GALNTL6: variants seen among roughly 807,000 people sequenced by gnomAD.
The protein encoded by GALNTL6 is polypeptide N-acetylgalactosaminyltransferase like 6.
A neutral mutation model predicts 73.7 loss-of-function variants in GALNTL6; 46 were observed. The observed-to-expected ratio is 0.62, with a 90% CI of 0.49 to 0.80. The LOEUF is 0.80. Among genes scored for constraint, GALNTL6 ranks in the 30% least tolerant of loss-of-function variants. GALNTL6 has a pLI of 0.00. For missense variants in GALNTL6, 604 were observed against 755.0 expected (o/e 0.80, Z 2.34); for synonymous variants, 259 against 263.7 (o/e 0.98, Z 0.17).
At chr4:172,517,892 T>C (rs1734658297) in intron 5 of GALNTL6, among the ~76,000 whole-genome samples, 1 of 152,118 alleles carries the variant, frequency 6.6e-6, no homozygotes, top group African/African-American at 2.4e-5. Flanking sequence ...AACCTAATTT[T>C]GATATTCATT....
At chr4:173,037,365 A>G (rs556938062) in intron 12 of GALNTL6, among the ~76,000 whole-genome samples, 1 of 152,218 alleles carries the variant, frequency 6.6e-6, no homozygotes, top group Admixed American at 6.5e-5. Context: ...CTTCTCAGAC[A>G]TAGACAGATG....
chr4:171,904,762 C>A (rs1737219510), intron 2 of GALNTL6, among the ~76,000 whole-genome samples: 1 of 152,176 alleles, frequency 6.6e-6, no homozygotes, highest in Non-Finnish European at 1.5e-5. Context: ...GGGTTACCCT[C>A]AAAGGGAAGC....
At chr4:172,250,465 C>T (rs1226935561) in intron 3 of GALNTL6, among the ~76,000 whole-genome samples, 1 of 152,034 alleles carries the variant, frequency 6.6e-6, no homozygotes, top group African/African-American at 2.4e-5. Context: ...TTGGTTGGGG[C>T]CAGGAGCATA....
At chr4:172,360,907 A>G (rs1009631090) in intron 5 of GALNTL6, among the ~76,000 whole-genome samples, 1 of 152,224 alleles carries the variant, frequency 6.6e-6, no homozygotes. Flanking sequence ...TTTGAAGGCC[A>G]GAAGCAATTG....
At chr4:172,208,296 T>A (rs1736210834) in intron 2 of GALNTL6, among the ~76,000 whole-genome samples, 1 of 152,248 alleles carries the variant, frequency 6.6e-6, no homozygotes, top group Non-Finnish European at 1.5e-5. Flanking sequence ...CAATTATTAC[T>A]GTAAATATGA....
chr4:172,836,239 T>A (rs1275324822), intron 7 of GALNTL6, among the ~76,000 whole-genome samples: 1 of 152,202 alleles, frequency 6.6e-6, no homozygotes, highest in Non-Finnish European at 1.5e-5. Context: ...GAGAAACACC[T>A]GAAATGTATG....
At chr4:172,264,451 T>C (rs976783375) in intron 3 of GALNTL6, among the ~76,000 whole-genome samples, 2 of 140,864 alleles carry the variant, frequency 1.4e-5, no homozygotes, top group African/African-American at 5.3e-5. Flanking sequence ...TTAAATAAGG[T>C]TGGCATAATA....
intron 12 of GALNTL6, among the ~76,000 whole-genome samples, chr4:173,036,596 A>AAAACC (rs1753705770): frequency 1.3e-5 from 2 of 152,220 alleles, no homozygotes; most frequent in Admixed American, 1.3e-4. Context: ...AAAACAAAAC[A>AAAACC]AAACCAAAAC....
intron 5 of GALNTL6, among the ~76,000 whole-genome samples, chr4:172,474,174 TA>T (rs1202137734): frequency 1.3e-5 from 2 of 152,122 alleles, no homozygotes; most frequent in African/African-American, 4.8e-5. Flanking sequence ...TTTTCTCAGA[TA>T]TTTGCTTGGC....
intron 5 of GALNTL6, among the ~76,000 whole-genome samples, chr4:172,470,857 C>T (rs1222078656): frequency 6.6e-6 from 1 of 152,136 alleles, no homozygotes; most frequent in African/African-American, 2.4e-5. Context: ...CACACACATA[C>T]ACAACACACA....
intron 2 of GALNTL6, among the ~76,000 whole-genome samples, chr4:171,982,956 A>C (rs974517166): frequency 1.3e-5 from 2 of 152,164 alleles, no homozygotes; most frequent in Non-Finnish European, 2.9e-5. Context: ...ACTGAAGCTT[A>C]TCAGAGCCTT....
intron 5 of GALNTL6, among the ~76,000 whole-genome samples, chr4:172,720,310 G>A (rs966519756): frequency 2.0e-5 from 3 of 152,126 alleles, no homozygotes; most frequent in African/African-American, 7.2e-5. Flanking sequence ...AGGGGAAACA[G>A]GGATCCTCCG....
At chr4:172,032,602 A>G (rs781280312) in intron 2 of GALNTL6, among the ~76,000 whole-genome samples, 2 of 152,044 alleles carry the variant, frequency 1.3e-5, no homozygotes, top group Non-Finnish European at 2.9e-5. Context: ...TAACTCATTC[A>G]TATTGTTAAA....
At chr4:172,615,983 G>A (rs113347015) in intron 5 of GALNTL6, among the ~76,000 whole-genome samples, 11 of 152,244 alleles carry the variant, frequency 7.2e-5, no homozygotes, top group African/African-American at 2.2e-4. Context: ...TTGTGATAAT[G>A]CGAAAAGAGT....
chr4:172,177,838 T>TATGTGTGTGTATATATACACACACATAC, intron 2 of GALNTL6, among the ~76,000 whole-genome samples: 1 of 74,258 alleles, frequency 1.3e-5, no homozygotes, highest in Non-Finnish European at 3.2e-5. Context: ...CACACACATA[T>TATGTGTGTGTATATATACACACACATAC]ATATGTGTAT....
intron 5 of GALNTL6, among the ~76,000 whole-genome samples, chr4:172,452,916 G>A (rs1732261947): frequency 6.6e-6 from 1 of 152,162 alleles, no homozygotes; most frequent in African/African-American, 2.4e-5. Context: ...ATGCTAAGAT[G>A]TGAGGGCCAG....
At chr4:172,820,218 C>T (rs117837945) in intron 7 of GALNTL6, among the ~76,000 whole-genome samples, 1 of 152,284 alleles carries the variant, frequency 6.6e-6, no homozygotes, top group East Asian at 1.9e-4. Flanking sequence ...AGAAGCTTCA[C>T]TTTATTAACA....
intron 2 of GALNTL6, among the ~76,000 whole-genome samples, chr4:172,088,482 AAGAGTT>A (rs1331039062): frequency 6.6e-6 from 1 of 152,218 alleles, no homozygotes; most frequent in East Asian, 1.9e-4. Flanking sequence ...ATAGGGGAAG[AAGAGTT>A]AGGAGAAATG....
intron 2 of GALNTL6, among the ~76,000 whole-genome samples, chr4:171,991,040 A>G (rs1740316488): frequency 6.6e-6 from 1 of 152,114 alleles, no homozygotes; most frequent in African/African-American, 2.4e-5. Flanking sequence ...TCTCATCTAC[A>G]CTCATGGAAC....
Sources: allele counts gnomAD v4.1 joint callset (sites outside exome capture counted in the v4.1 genomes callset), GRCh38; gene constraint gnomAD v4.1.1; transcripts MANE v1.5; gene names NCBI Gene and HGNC (gene_info 2026-07-23, HGNC 2026-07-21).